The following SLC12A8 variants were observed in gnomAD, a reference collection of about 807,000 sequenced individuals.
SLC12A8 encodes solute carrier family 12 member 8.
In SLC12A8, 69 loss-of-function variants were observed where a neutral mutation model predicts 75.6. The observed-to-expected ratio is 0.91, with a 90% CI of 0.75 to 1.11. SLC12A8 has a LOEUF of 1.11. SLC12A8 is among the 50% of genes most tolerant of loss of function. The probability of loss-of-function intolerance (pLI) is 0.00; values close to 1 mark genes in which losing one functional copy is unlikely to be tolerated. For missense variants in SLC12A8, 877 were observed against 896.7 expected (o/e 0.98, Z 0.28); for synonymous variants, 365 against 372.8 (o/e 0.98, Z 0.24).
Position 125,135,713 on chromosome 3 carries a change from T to C in SLC12A8, c.692A>G (p.Glu231Gly), listed in dbSNP as rs776508103. 6.2e-7 allele frequency: 1 copy of C among 1,609,070 alleles called. No individual in the cohort carries two copies. The highest frequency in any genetic ancestry group is 2.2e-5 in the East Asian group (1 of 44,804). The stretch of plus-strand genomic sequence containing the variant: ...AACCCCAAAGACAGTGAAAAAAGAT[T>C]CCCCCGGGCTGTAATCGGGCAGCGT... ...NNTLPDYSPG[E>G]SFFTVFGVFF... is the part of the protein sequence containing the mutation. Residue 231 changes from glutamate to glycine, a missense_variant, in exon 6 of 14, where the codon GAA becomes GGA. Glu to Gly is a moderately conservative substitution (Grantham distance 98). Transcript: ENST00000469902.
At chr3:125,102,781 G>A (rs1001390304) in intron 10 of SLC12A8, among the ~76,000 whole-genome samples, 5 of 152,142 alleles carry the variant, frequency 3.3e-5, no homozygotes, top group Admixed American at 2.6e-4. Flanking sequence ...CCACAAACAC[G>A]AAGAGAATGA....
At position 125,191,675 on chromosome 3, in the gene SLC12A8, A is replaced by G. The variant is rs895214790; in HGVS notation, c.52-1154T>C. Among the ~76,000 whole-genome samples, 7 of 152,362 alleles carry G rather than the reference A, an allele frequency of 4.6e-5. No homozygotes were observed. The East Asian group carries it at 1.3e-3, about 29-fold the overall frequency. On this transcript the variant is annotated intron_variant, in intron 2 of 13. Transcript: ENST00000469902. ...ATGGCTGAGAACAATGGGTGCGCCCAGGATCTAGAACCAAAGGCTAAGGCC... is the reference window on the plus strand; with the variant it reads ...ATGGCTGAGAACAATGGGTGCGCCCGGGATCTAGAACCAAAGGCTAAGGCC...
intron 2 of SLC12A8, among the ~76,000 whole-genome samples, chr3:125,205,310 A>G (rs1935205362): frequency 6.6e-6 from 1 of 152,186 alleles, no homozygotes; most frequent in African/African-American, 2.4e-5. Flanking sequence ...TTTCAGTGGC[A>G]TCGACCTCTG....
chr3:125,130,787 C>G (rs1933335966), intron 6 of SLC12A8, among the ~76,000 whole-genome samples: 1 of 152,150 alleles, frequency 6.6e-6, no homozygotes, highest in Non-Finnish European at 1.5e-5. Flanking sequence ...GCCCCCTTCC[C>G]CCACTCACAC....
chr3:125,211,322 G>A lies in SLC12A8; in HGVS notation c.28C>T (p.Leu10Phe). Residue 10 changes from leucine to phenylalanine, a missense_variant, in exon 2 of 14, where the codon CTC (leucine) becomes TTC (phenylalanine). Transcript: ENST00000469902. ...ACCTGCTGGGCTGCCTCATGGAAGA[G>A]CTCCTGCACCTGGGACATCTGGGTC... MTQMSQVQE[L>F]FHEAAQQDAL... 1 of 1,613,796 alleles carries A rather than the reference G, an allele frequency of 6.2e-7. No homozygotes were observed.
chr3:125,145,671 T>C (rs1177821827), intron 5 of SLC12A8, among the ~76,000 whole-genome samples: 1 of 77,984 alleles, frequency 1.3e-5, no homozygotes, highest in Non-Finnish European at 3.4e-5. Flanking sequence ...ATATACTATG[T>C]TTTTTCCTAT....
chr3:125,208,779 CACACACACACACAGAG>C (rs1935276072), intron 2 of SLC12A8, among the ~76,000 whole-genome samples: 1 of 123,240 alleles, frequency 8.1e-6, no homozygotes, highest in Admixed American at 8.7e-5. Context: ...CACACACACA[CACACACACACACAGAG>C]AGAGAGAGAG....
At chr3:125,140,507 C>A (rs1481051413) in intron 5 of SLC12A8, among the ~76,000 whole-genome samples, 1 of 152,112 alleles carries the variant, frequency 6.6e-6, no homozygotes, top group Admixed American at 6.6e-5. Flanking sequence ...CTCCCCCGGC[C>A]CCATTTGTGT....
Position 125,082,671 on chromosome 3 carries a change from C to A in SLC12A8, c.*1219G>T, listed in dbSNP as rs1275868919. 3 of 152,192 alleles carry A rather than the reference C, an allele frequency of 2.0e-5. No homozygotes were observed. The highest frequency in any genetic ancestry group is 2.9e-5 in the Non-Finnish European group (2 of 68,030). 9.4% of individuals were successfully genotyped at this position (152,192 alleles called of 1,614,324 possible). ...CATGTTAATTCTTTAATTAAAAAGACCCTCACTAAACAATAATAGTTTACA... is the reference window on the plus strand; with the variant it reads ...CATGTTAATTCTTTAATTAAAAAGAACCTCACTAAACAATAATAGTTTACA... On this transcript the variant is annotated 3_prime_UTR_variant, in exon 14 of 14. Transcript: ENST00000469902.
intron 6 of SLC12A8, 113 bp from the exon 7 acceptor site, chr3:125,120,799 A>C: frequency 1.3e-6 from 1 of 786,710 alleles, no homozygotes; most frequent in Non-Finnish European, 2.2e-6. Flanking sequence ...GTCCCACCGC[A>C]AGCCCTCCAG....
intron 5 of SLC12A8, among the ~76,000 whole-genome samples, chr3:125,146,822 G>A (rs1448709868): frequency 6.6e-6 from 1 of 152,212 alleles, no homozygotes; most frequent in Non-Finnish European, 1.5e-5. Context: ...TACATTTTTT[G>A]TAGAGACAAG....
intron 10 of SLC12A8, among the ~76,000 whole-genome samples, chr3:125,105,048 C>T (rs748485219): frequency 1.3e-5 from 2 of 151,392 alleles, no homozygotes; most frequent in Non-Finnish European, 2.9e-5. Context: ...CAAAACTAAT[C>T]GTGACTGATA....
chr3:125,187,503 C>A, intron 3 of SLC12A8, 75 bp from the exon 4 acceptor site: 3 of 1,355,834 alleles, frequency 2.2e-6, no homozygotes, highest in Non-Finnish European at 3.1e-6. Context: ...GGGCATTGAC[C>A]ACCTCCCCTC....
At chr3:125,208,946 G>A (rs770954316) in intron 2 of SLC12A8, among the ~76,000 whole-genome samples, 2 of 151,884 alleles carry the variant, frequency 1.3e-5, no homozygotes, top group African/African-American at 2.4e-5. Flanking sequence ...TCTAATCACC[G>A]TGACCAAGAG....
At chr3:125,090,887 C>T (rs1938565369) in intron 12 of SLC12A8, among the ~76,000 whole-genome samples, 1 of 152,056 alleles carries the variant, frequency 6.6e-6, no homozygotes, top group African/African-American at 2.4e-5. Context: ...CTTTGGCATT[C>T]AATTAGGGTG....
intron 10 of SLC12A8, among the ~76,000 whole-genome samples, chr3:125,095,070 C>CT (rs1314096488): frequency 1.3e-5 from 2 of 152,198 alleles, no homozygotes; most frequent in Non-Finnish European, 2.9e-5. Flanking sequence ...TTCAGCACTC[C>CT]TTTTTTCCAT....
At chr3:125,155,017 C>T (rs531812115) in intron 5 of SLC12A8, 8 of 152,332 alleles carry the variant, frequency 5.3e-5, no homozygotes, top group Non-Finnish European at 1.2e-4. Context: ...TGTGGCCACA[C>T]TGGACAAAGC....
At chr3:125,104,945 A>G (rs1158879652) in intron 10 of SLC12A8, among the ~76,000 whole-genome samples, 1 of 152,210 alleles carries the variant, frequency 6.6e-6, no homozygotes, top group Non-Finnish European at 1.5e-5. Context: ...AGGACCATGG[A>G]GCTGCCATGG....
chr3:125,164,420 C>T (rs147982013), intron 5 of SLC12A8, among the ~76,000 whole-genome samples: 1 of 152,336 alleles, frequency 6.6e-6, no homozygotes, highest in East Asian at 1.9e-4. Flanking sequence ...ATGCAAAGTG[C>T]CTGACACAGA....
Sources: gnomAD v4.1 joint callset for allele counts (sites outside exome capture counted in the v4.1 genomes callset) on GRCh38, gnomAD v4.1.1 for gene constraint, MANE v1.5 for transcripts, NCBI Gene and HGNC (gene_info 2026-07-23, HGNC 2026-07-21) for gene names.